The following NDST4 variants were observed in gnomAD, a reference collection of about 807,000 sequenced individuals.
The protein encoded by NDST4 is N-heparan sulfate sulfotransferase 4.
NDST4 carries 63 observed loss-of-function variants against 100.8 expected under a neutral mutation model. The ratio of observed to expected loss-of-function variants is 0.62; its 90% CI spans 0.51 to 0.77. The LOEUF is 0.77. Ranked by LOEUF, NDST4 falls within the 30% of genes least tolerant of loss-of-function variation. NDST4 has a pLI of 0.00. For missense variants in NDST4, 943 were observed against 1,018.4 expected, an observed-to-expected ratio of 0.93 and a Z score of 1.01; for synonymous variants, 377 against 361.8, an observed-to-expected ratio of 1.04 and a Z score of -0.48.
intron 12 of NDST4, among the ~76,000 whole-genome samples, chr4:114,830,407 T>C (rs1487583419): frequency 6.6e-6 from 1 of 152,216 alleles, no homozygotes; most frequent in East Asian, 1.9e-4. Flanking sequence ...CAGTTCAAAA[T>C]GCTTACACTT....
intron 4 of NDST4, among the ~76,000 whole-genome samples, chr4:114,938,219 C>T (rs1282524858): frequency 6.6e-6 from 1 of 152,088 alleles, no homozygotes; most frequent in Non-Finnish European, 1.5e-5. Context: ...CATACAAGAT[C>T]CAGTGATGTT....
intron 7 of NDST4, among the ~76,000 whole-genome samples, chr4:114,867,123 T>C (rs932778824): frequency 6.6e-6 from 1 of 152,174 alleles, no homozygotes; most frequent in African/African-American, 2.4e-5. Context: ...CCATTTTCTC[T>C]CTACAATGAA....
intron 1 of NDST4, among the ~76,000 whole-genome samples, chr4:115,095,826 T>G (rs1018067590): frequency 6.6e-6 from 1 of 152,134 alleles, no homozygotes; most frequent in Non-Finnish European, 1.5e-5. Context: ...AGTCATATGC[T>G]AGGTCTTTTC....
intron 4 of NDST4, among the ~76,000 whole-genome samples, chr4:114,945,489 TG>T (rs1725842884): frequency 6.6e-6 from 1 of 152,162 alleles, no homozygotes; most frequent in South Asian, 2.1e-4. Context: ...GGTACATTGT[TG>T]GTATTTGATA....
At chr4:114,835,209 G>A (rs917488814) in intron 11 of NDST4, among the ~76,000 whole-genome samples, 7 of 152,108 alleles carry the variant, frequency 4.6e-5, no homozygotes, top group Admixed American at 3.3e-4. Flanking sequence ...TAATTATGAT[G>A]TTAGAGTGTT....
At chr4:114,883,852 T>C (rs1321171125) in intron 6 of NDST4, among the ~76,000 whole-genome samples, 2 of 152,130 alleles carry the variant, frequency 1.3e-5, no homozygotes, top group Non-Finnish European at 2.9e-5. Context: ...ATCCCTTGCA[T>C]GCGCAGTTCA....
At chr4:114,882,887 G>A (rs1724400248) in intron 6 of NDST4, among the ~76,000 whole-genome samples, 1 of 151,876 alleles carries the variant, frequency 6.6e-6, no homozygotes, top group African/African-American at 2.4e-5. Context: ...ACAAGGATAA[G>A]AATTACATGG....
At chr4:115,057,839 T>G (rs1728734799) in intron 2 of NDST4, among the ~76,000 whole-genome samples, 1 of 152,132 alleles carries the variant, frequency 6.6e-6, no homozygotes, top group South Asian at 2.1e-4. Context: ...CATATTCATT[T>G]TTGAATGTAA....
intron 6 of NDST4, among the ~76,000 whole-genome samples, chr4:114,874,124 C>T (rs72895238): frequency 0.086 from 13,036 of 151,950 alleles, 1,636 homozygotes; most frequent in African/African-American, 0.27. Flanking sequence ...AATTGTAAGA[C>T]ACCTGTGAGA....
At chr4:114,838,584 C>G (rs543811216) in intron 11 of NDST4, among the ~76,000 whole-genome samples, 5 of 152,072 alleles carry the variant, frequency 3.3e-5, no homozygotes, top group African/African-American at 1.2e-4. Context: ...AACCAAATTC[C>G]GCATGTTCTC....
At chr4:115,017,897 G>A (rs1370933118) in intron 2 of NDST4, among the ~76,000 whole-genome samples, 1 of 151,704 alleles carries the variant, frequency 6.6e-6, no homozygotes. Flanking sequence ...AGTATATCTG[G>A]TTAGAACAAT....
In NDST4 at chr4:114,922,000, T is replaced by C. The variant is rs962733313; in HGVS notation, c.1536+13206A>G. Among the ~76,000 whole-genome samples, 5 of 147,920 alleles carry C rather than the reference T, an allele frequency of 3.4e-5. No homozygotes were observed. The East Asian group carries it at 1.1e-3, about 32-fold the overall frequency. ...AACAATTCATGTGAAAGTGTTACAGTCGGTAGTTAGTCAGACCCAGGCAGG... is the reference window on the plus strand; with the variant it reads ...AACAATTCATGTGAAAGTGTTACAGCCGGTAGTTAGTCAGACCCAGGCAGG... On this transcript the variant is annotated intron_variant, in intron 6 of 13. Coordinates refer to ENST00000264363, the MANE Select transcript of NDST4 (RefSeq NM_022569.3).
intron 6 of NDST4, among the ~76,000 whole-genome samples, chr4:114,872,605 C>A (rs939707059): frequency 1.3e-5 from 2 of 152,002 alleles, no homozygotes; most frequent in African/African-American, 4.8e-5. Flanking sequence ...ATGTCTCTAA[C>A]TTAGATAAAA....
intron 3 of NDST4, among the ~76,000 whole-genome samples, chr4:114,972,668 T>C (rs1578422932): frequency 6.6e-6 from 1 of 152,142 alleles, no homozygotes. Context: ...TTATGTCACA[T>C]ATGATGAAAG....
At position 114,903,775 on chromosome 4, in the gene NDST4, A is replaced by C. The variant is rs115818460; in HGVS notation, c.1536+31431T>G. ...AATAAAGAAAAATAAAGGAGAAATA[A>C]AGAAAAAGCAACATAGGCACTATTT... On this transcript the variant is annotated intron_variant, in intron 6 of 13. Transcript: ENST00000264363. 2.5e-3 allele frequency among the ~76,000 whole-genome samples: 386 copies of C among 152,100 alleles called. 1 individual carries two copies. The highest frequency in any genetic ancestry group is 9.1e-3 in the African/African-American group (378 of 41,546).
At chr4:114,863,246 G>A (rs1723954939) in intron 7 of NDST4, among the ~76,000 whole-genome samples, 1 of 152,222 alleles carries the variant, frequency 6.6e-6, no homozygotes, top group South Asian at 2.1e-4. Context: ...AACCTGGCAA[G>A]ACAGATATTA....
intron 4 of NDST4, among the ~76,000 whole-genome samples, chr4:114,942,685 G>T (rs987143943): frequency 5.9e-5 from 9 of 151,916 alleles, no homozygotes; most frequent in African/African-American, 2.2e-4. Context: ...TAGTGATGTG[G>T]CTGCACAAGC....
At chr4:114,905,187 C>G (rs933623786) in intron 6 of NDST4, among the ~76,000 whole-genome samples, 2 of 150,314 alleles carry the variant, frequency 1.3e-5, no homozygotes, top group Admixed American at 1.3e-4. Context: ...GTAGCCTCAA[C>G]CTAGTTAATA....
chr4:114,926,166 G>GA (rs578080692), intron 6 of NDST4, among the ~76,000 whole-genome samples: 1 of 152,058 alleles, frequency 6.6e-6, no homozygotes, highest in Non-Finnish European at 1.5e-5. Flanking sequence ...GAACAGTGCA[G>GA]AAAAATATCA....
Sources: gnomAD v4.1 joint callset for allele counts (sites outside exome capture counted in the v4.1 genomes callset) on GRCh38, gnomAD v4.1.1 for gene constraint, MANE v1.5 for transcripts, NCBI Gene and HGNC (gene_info 2026-07-23, HGNC 2026-07-21) for gene names.